The following CCT7 variants were observed in gnomAD, a reference collection of about 807,000 sequenced individuals.
CCT7 encodes chaperonin containing TCP1 subunit 7, also known as T-complex protein 1 subunit eta.
A neutral mutation model predicts 56.6 loss-of-function variants in CCT7; 16 were observed. The observed-to-expected ratio is 0.28, with a 90% CI of 0.19 to 0.43. CCT7 has a LOEUF of 0.43. Among genes scored for constraint, CCT7 ranks in the 20% least tolerant of loss-of-function variants. The probability of loss-of-function intolerance (pLI) is 1.00; values close to 1 mark genes in which losing one functional copy is unlikely to be tolerated. For synonymous variants in CCT7, 262 were observed against 254.8 expected (o/e 1.03, Z -0.27); for missense variants, 519 against 685.6 (o/e 0.76, Z 2.71).
intron 4 of CCT7, 49 bp from the exon 5 acceptor site, chr2:73,243,948 G>A: frequency 1.3e-6 from 2 of 1,562,846 alleles, no homozygotes; most frequent in East Asian, 2.2e-5. Flanking sequence ...GTCCACTTCA[G>A]CAGTTTGTCT....
intron 1 of CCT7, among the ~76,000 whole-genome samples, chr2:73,238,013 C>A (rs1283205528): frequency 1.3e-5 from 2 of 152,144 alleles, no homozygotes; most frequent in Non-Finnish European, 2.9e-5. Flanking sequence ...TGGAGCAAGA[C>A]CCTGTCTCTT....
At chr2:73,244,338 C>T (rs1039059944) in intron 5 of CCT7, 13 of 601,828 alleles carry the variant, frequency 2.2e-5, no homozygotes, top group Admixed American at 1.8e-4. Context: ...AAGAAGCTGT[C>T]GACTGTAGTT....
chr2:73,235,224 C>G (rs1218510370), intron 1 of CCT7, among the ~76,000 whole-genome samples: 2 of 152,204 alleles, frequency 1.3e-5, no homozygotes, highest in African/African-American at 4.8e-5. Context: ...CTTCTTTTCT[C>G]TGTCTCTCGG....
chr2:73,251,934 A>G (rs1228998606), intron 11 of CCT7, among the ~76,000 whole-genome samples: 1 of 148,304 alleles, frequency 6.7e-6, no homozygotes, highest in Non-Finnish European at 1.5e-5. Flanking sequence ...GTGAGACTCC[A>G]TCTCAAAAAA....
intron 6 of CCT7, among the ~76,000 whole-genome samples, chr2:73,246,068 C>CTT (rs1487570971): frequency 6.6e-6 from 1 of 152,200 alleles, no homozygotes; most frequent in African/African-American, 2.4e-5. Flanking sequence ...GCCAGGGACT[C>CTT]TAAGCCACAC....
At chr2:73,241,004 G>A (rs1472046690) in intron 3 of CCT7, among the ~76,000 whole-genome samples, 1 of 145,072 alleles carries the variant, frequency 6.9e-6, no homozygotes, top group Non-Finnish European at 1.5e-5. Context: ...TTAGTCGTTG[G>A]AACTACTGGC....
intron 7 of CCT7, among the ~76,000 whole-genome samples, chr2:73,248,402 G>A (rs1161782876): frequency 1.3e-5 from 2 of 151,830 alleles, no homozygotes; most frequent in Non-Finnish European, 2.9e-5. Context: ...CCAGGCTGGA[G>A]TGCAGTGGTG....
rs541718985 is a variant in CCT7 at position 73,251,361 on chromosome 2, C to G, written c.1339C>G (p.Arg447Gly). 5.0e-6 allele frequency: 8 copies of G among 1,614,148 alleles called. No homozygotes were observed. Among genetic ancestry groups the G allele is most frequent in the Non-Finnish European group, 5.9e-6 (7 of 1,180,024 alleles). Residue 447 changes from arginine (R) to glycine (G), a missense_variant, in exon 11 of 12, where the codon CGC (arginine) becomes GGC (glycine). Physicochemically the swap from Arg to Gly is moderately radical, Grantham distance 125. Coordinates refer to ENST00000258091, the MANE Select transcript of CCT7 (RefSeq NM_006429.4). ...AYAKALEIIP[R>G]QLCDNAGFDA... ...TGCCAAGGCCTTGGAGATTATCCCA[C>G]GCCAGCTGTGTGACAATGCTGGCTT... is the stretch of plus-strand genomic sequence containing the variant.
In CCT7 at chr2:73,240,229, GGGAGTCTGT is replaced by G. The variant is rs1687048166; in HGVS notation, c.161-205_161-197del. ...TATTAATTGCTCTTCAAGGAAAATT[GGGAGTCTGT>G]GGTCTGCAAAAGCTTGTGATTTTAG... On this transcript the variant is annotated intron_variant, in intron 2 of 11. Coordinates refer to ENST00000258091, the MANE Select transcript of CCT7 (RefSeq NM_006429.4). The G allele has an allele frequency of 7.6e-6, 3 of 394,428 alleles. No homozygotes were observed. The East Asian group carries it at 1.2e-4, about 16-fold the overall frequency. 24.4% of individuals were successfully genotyped at this position (394,428 alleles called of 1,614,324 possible).
chr2:73,252,630 A>T lies in CCT7; in HGVS notation c.1411-10A>T. On this transcript the variant is annotated splice_polypyrimidine_tract_variant and intron_variant, in intron 11 of 11. Transcript: ENST00000258091. ...TCCATATTACCTCCTTTCTTTTCCTACTCTTTTAGGGGGGTACATGGTATG... is the reference window on the plus strand; with the variant it reads ...TCCATATTACCTCCTTTCTTTTCCTTCTCTTTTAGGGGGGTACATGGTATG... 1.2e-6 allele frequency: 2 copies of T among 1,606,436 alleles called. No individual in the cohort carries two copies. The highest frequency in any genetic ancestry group is 1.7e-6 in the Non-Finnish European group (2 of 1,173,560).
At chr2:73,246,185 G>C (rs523355) in intron 6 of CCT7, among the ~76,000 whole-genome samples, 9,243 of 152,278 alleles carry the variant, frequency 0.061, 398 homozygotes, top group East Asian at 0.19. Context: ...GGTTAACTGG[G>C]AATTTTCTGA....
chr2:73,242,038 G>A (rs1553378111), intron 3 of CCT7, among the ~76,000 whole-genome samples: 1 of 151,934 alleles, frequency 6.6e-6, no homozygotes, highest in Non-Finnish European at 1.5e-5. Context: ...ACCGTGCCTG[G>A]CCTCCTCATA....
intron 1 of CCT7, chr2:73,237,774 T>C (rs1353428087): frequency 2.0e-5 from 3 of 152,182 alleles, no homozygotes; most frequent in African/African-American, 7.2e-5. Context: ...TAAAAAAATT[T>C]AATGAGGGCC....
At chr2:73,243,356 G>A (rs771300757) in intron 4 of CCT7, among the ~76,000 whole-genome samples, 11 of 152,110 alleles carry the variant, frequency 7.2e-5, no homozygotes, top group Non-Finnish European at 1.5e-4. Flanking sequence ...AGACTATGAT[G>A]TAGACATAGT....
chr2:73,236,875 T>A (rs1686907739), intron 1 of CCT7, among the ~76,000 whole-genome samples: 1 of 152,162 alleles, frequency 6.6e-6, no homozygotes, highest in Admixed American at 6.5e-5. Flanking sequence ...GGGGAATCTG[T>A]GGTTAGCTGC....
intron 5 of CCT7, 101 bp downstream of exon 5, chr2:73,244,150 T>C: frequency 1.7e-6 from 2 of 1,145,780 alleles, no homozygotes; most frequent in Non-Finnish European, 2.5e-6. Context: ...ATCTCCCACC[T>C]GCGACTCCCA....
At chr2:73,247,424 C>T (rs1234531281) in intron 6 of CCT7, among the ~76,000 whole-genome samples, 3 of 152,114 alleles carry the variant, frequency 2.0e-5, no homozygotes, top group African/African-American at 7.2e-5. Context: ...TTCTGGCATA[C>T]TTTTTGGAAG....
Position 73,240,423 on chromosome 2 carries a change from T to A in CCT7, c.161-14T>A. On this transcript the variant is annotated splice_polypyrimidine_tract_variant and intron_variant, in intron 2 of 11. Coordinates refer to ENST00000258091, the MANE Select transcript of CCT7 (RefSeq NM_006429.4). Reference sequence around the variant, plus strand: ...TAAGAAAGGGGCTTTAGATTTTTGTTTGTTTCTTTTAAGGCAAAGCAACAA... The same window carrying A: ...TAAGAAAGGGGCTTTAGATTTTTGTATGTTTCTTTTAAGGCAAAGCAACAA... The A allele has an allele frequency of 6.2e-7, 1 of 1,601,482 alleles. No homozygotes were observed. Among genetic ancestry groups the A allele is most frequent in the Non-Finnish European group, 8.5e-7 (1 of 1,170,384 alleles).
chr2:73,239,248 G>C (rs1047252866), intron 1 of CCT7: 1 of 162,912 alleles, frequency 6.1e-6, no homozygotes, highest in Non-Finnish European at 1.3e-5. Flanking sequence ...CAGACAAGTG[G>C]ATGTTTTGCT....
Sources: allele counts gnomAD v4.1 joint callset (sites outside exome capture counted in the v4.1 genomes callset), GRCh38; gene constraint gnomAD v4.1.1; transcripts MANE v1.5; gene names NCBI Gene and HGNC (gene_info 2026-07-23, HGNC 2026-07-21).